Variants in PRKG2 observed in about 807,000 individuals in gnomAD.
PRKG2 encodes the protein cGMP-dependent protein kinase 2.
A neutral mutation model predicts 97.2 loss-of-function variants in PRKG2; 33 were observed. The ratio of observed to expected loss-of-function variants is 0.34; its 90% CI spans 0.26 to 0.45. The LOEUF is 0.45. Ranked by LOEUF, PRKG2 falls within the 20% of genes least tolerant of loss-of-function variation. The probability of loss-of-function intolerance (pLI) is 1.00; values close to 1 mark genes in which losing one functional copy is unlikely to be tolerated. For synonymous variants in PRKG2, 330 were observed against 321.8 expected (o/e 1.03, Z -0.27); for missense variants, 638 against 900.0 (o/e 0.71, Z 3.73).
chr4:81,096,953 T>C (rs1170437755), intron 17 of PRKG2, among the ~76,000 whole-genome samples: 1 of 152,206 alleles, frequency 6.6e-6, no homozygotes, highest in South Asian at 2.1e-4. Context: ...TATAATGGCA[T>C]TTAGAATGGT....
intron 8 of PRKG2, among the ~76,000 whole-genome samples, chr4:81,150,075 T>C (rs1209198249): frequency 1.3e-5 from 2 of 152,072 alleles, no homozygotes; most frequent in African/African-American, 4.8e-5. Context: ...CTTGTATATG[T>C]AGAGGTAGAG....
rs115888848 is a variant in PRKG2, at chr4:81,196,091, A to G, written c.461+8496T>C. On this transcript the variant is annotated intron_variant, in intron 2 of 18. Transcript: ENST00000264399. Reference sequence around the variant, plus strand: ...CTGCCATGCTATGAGAGGGCCTGTGAGAGGGACGCAAGGCAGGAACTCTAG... The same window carrying G: ...CTGCCATGCTATGAGAGGGCCTGTGGGAGGGACGCAAGGCAGGAACTCTAG... Among the ~76,000 whole-genome samples the G allele has an allele frequency of 1.9e-3, 295 of 152,296 alleles. 2 individuals are homozygous for G. Among genetic ancestry groups the G allele is most frequent in the African/African-American group, 6.8e-3 (281 of 41,566 alleles).
rs116261396 is a variant in PRKG2, at chr4:81,163,401, G to A, written c.912+3760C>T. On this transcript the variant is annotated intron_variant, in intron 6 of 18. Coordinates refer to ENST00000264399, the MANE Select transcript of PRKG2 (RefSeq NM_006259.3). ...AAGAAGCCATAGACCCTATCCTGCA[G>A]AGCAATGGTTTTCAAGCATGTTTTA... Among the ~76,000 whole-genome samples, 573 of 152,234 alleles carry A rather than the reference G, an allele frequency of 3.8e-3. 5 individuals carry two copies. Among genetic ancestry groups the A allele is most frequent in the African/African-American group, 0.013 (539 of 41,556 alleles).
At chr4:81,170,215 G>A (rs1305494874) in intron 4 of PRKG2, among the ~76,000 whole-genome samples, 1 of 152,062 alleles carries the variant, frequency 6.6e-6, no homozygotes, top group African/African-American at 2.4e-5. Context: ...ATGTTGTTCT[G>A]ACACTGTTGC....
At chr4:81,160,622 G>C (rs1749528822) in intron 6 of PRKG2, among the ~76,000 whole-genome samples, 1 of 152,112 alleles carries the variant, frequency 6.6e-6, no homozygotes, top group Non-Finnish European at 1.5e-5. Flanking sequence ...TTCACAGTAG[G>C]TAGTGCTGTC....
At chr4:81,189,066 T>TAAAATAAAA (rs1752192390) in intron 2 of PRKG2, among the ~76,000 whole-genome samples, 4 of 17,064 alleles carry the variant, frequency 2.3e-4, no homozygotes, top group Admixed American at 1.2e-3. Context: ...AAAAAAATAA[T>TAAAATAAAA]AAAAAAAAAA....
chr4:81,208,110 A>G (rs536770159), intron 1 of PRKG2, among the ~76,000 whole-genome samples: 2 of 152,354 alleles, frequency 1.3e-5, no homozygotes, highest in East Asian at 3.9e-4. Context: ...GAGTCAGGCC[A>G]ATTAGGGTTA....
At chr4:81,113,881 C>T (rs1480798241) in intron 14 of PRKG2, among the ~76,000 whole-genome samples, 1 of 152,142 alleles carries the variant, frequency 6.6e-6, no homozygotes, top group African/African-American at 2.4e-5. Context: ...TACTAACGTC[C>T]ATCCACTAAA....
At chr4:81,148,443 A>G (rs944721990) in intron 9 of PRKG2, among the ~76,000 whole-genome samples, 1 of 152,214 alleles carries the variant, frequency 6.6e-6, no homozygotes, top group Non-Finnish European at 1.5e-5. Flanking sequence ...CAAATGTTCA[A>G]TTAAAGCCAC....
intron 4 of PRKG2, among the ~76,000 whole-genome samples, chr4:81,171,300 A>T (rs1269528342): frequency 6.6e-6 from 1 of 151,952 alleles, no homozygotes; most frequent in Non-Finnish European, 1.5e-5. Context: ...TGCTGAGGAT[A>T]ATGGCTTCCA....
intron 3 of PRKG2, among the ~76,000 whole-genome samples, chr4:81,173,297 G>A (rs1468014052): frequency 1.3e-5 from 2 of 152,054 alleles, no homozygotes; most frequent in African/African-American, 4.8e-5. Flanking sequence ...ATTTCCATGT[G>A]TGCCATAACT....
intron 2 of PRKG2, among the ~76,000 whole-genome samples, chr4:81,185,318 A>C (rs936129566): frequency 4.6e-5 from 7 of 152,242 alleles, no homozygotes; most frequent in African/African-American, 1.7e-4. Context: ...GTGGGGGCCA[A>C]TATTCAACAT....
chr4:81,144,282 A>G lies in PRKG2; in HGVS notation c.1203T>C (p.Leu401=). 1.9e-6 allele frequency: 3 copies of G among 1,612,616 alleles called. No homozygotes were observed. The highest frequency in any genetic ancestry group is 2.5e-6 in the Non-Finnish European group (3 of 1,178,752). Residue 401 remains leucine, a synonymous_variant, in exon 10 of 19, where the codon CTT becomes CTC. Transcript: ENST00000264399. Reference sequence around the variant, plus strand: ...GGTTCAGGTTTGCCACATATCCTTCAAGGTATTTTTGCAGCTCTTCAAATG... The same window carrying G: ...GGTTCAGGTTTGCCACATATCCTTCGAGGTATTTTTGCAGCTCTTCAAATG... ...VGTFEELQKY[L]EGYVANLNRD...
chr4:81,131,782 TA>T (rs1746202448), intron 14 of PRKG2, among the ~76,000 whole-genome samples: 1 of 152,210 alleles, frequency 6.6e-6, no homozygotes, highest in Non-Finnish European at 1.5e-5. Flanking sequence ...TTCTGGACTT[TA>T]TTCTATTAGA....
At chr4:81,096,966 A>G (rs1742176058) in intron 17 of PRKG2, among the ~76,000 whole-genome samples, 1 of 152,214 alleles carries the variant, frequency 6.6e-6, no homozygotes, top group South Asian at 2.1e-4. Context: ...AGAATGGTGA[A>G]TTCTTTACAG....
upstream of PRKG2, among the ~76,000 whole-genome samples, chr4:81,217,029 T>TTG (rs1244357247): frequency 2.9e-4 from 26 of 88,146 alleles, no homozygotes; most frequent in African/African-American, 1.4e-3. Flanking sequence ...TGTATATATT[T>TTG]TGTATATATA....
intron 17 of PRKG2, among the ~76,000 whole-genome samples, chr4:81,097,347 C>T (rs1456124917): frequency 7.9e-5 from 12 of 152,102 alleles, no homozygotes; most frequent in Non-Finnish European, 1.8e-4. Flanking sequence ...CAAGAGTAGG[C>T]TTAAAATATT....
intron 9 of PRKG2, among the ~76,000 whole-genome samples, chr4:81,146,905 TTC>T (rs1252008756): frequency 6.6e-6 from 1 of 152,122 alleles, no homozygotes; most frequent in Non-Finnish European, 1.5e-5. Context: ...TGGAATATAT[TTC>T]TGAGTGAAAT....
At chr4:81,098,205 T>C (rs1180311441) in intron 17 of PRKG2, among the ~76,000 whole-genome samples, 1 of 152,168 alleles carries the variant, frequency 6.6e-6, no homozygotes, top group Admixed American at 6.6e-5. Flanking sequence ...ATCTTTCTCC[T>C]GTACTGGATG....
Sources: allele counts gnomAD v4.1 joint callset (sites outside exome capture counted in the v4.1 genomes callset), GRCh38; gene constraint gnomAD v4.1.1; transcripts MANE v1.5; gene names NCBI Gene and HGNC (gene_info 2026-07-23, HGNC 2026-07-21).